Variants in TAFA5 observed in about 807,000 individuals in gnomAD.
TAFA5 encodes TAFA chemokine like family member 5, also known as chemokine-like protein TAFA-5.
A neutral mutation model predicts 15.3 loss-of-function variants in TAFA5; 6 were observed. The ratio of observed to expected loss-of-function variants is 0.39; its 90% CI spans 0.21 to 0.77. The LOEUF is 0.77. Among genes scored for constraint, TAFA5 ranks in the 30% least tolerant of loss-of-function variants. The pLI, the probability that TAFA5 is intolerant of heterozygous loss-of-function variation, is 0.41. For synonymous variants in TAFA5, 103 were observed against 80.7 expected (o/e 1.28, Z -1.48); for missense variants, 161 against 193.1 (o/e 0.83, Z 0.98).
At position 48,530,028 on chromosome 22, in the gene TAFA5, T is replaced by C. The variant is rs1921920954; in HGVS notation, c.112+40324T>C. Among the ~76,000 whole-genome samples the C allele has an allele frequency of 6.6e-6, 1 of 152,132 alleles. No homozygotes were observed. ...GGCCCTCTGGACACCCCCTGAGGAC[T>C]GAGCTTGTGGCTGCAGAGGCCGTGG... On this transcript the variant is annotated intron_variant, in intron 1 of 3. Coordinates refer to ENST00000402357, the MANE Select transcript of TAFA5 (RefSeq NM_001082967.3). The surrounding 1 kb of genome is among the most constrained non-coding windows in gnomAD (Gnocchi z 6.0).
intron 2 of TAFA5, among the ~76,000 whole-genome samples, chr22:48,666,873 C>T (rs1193030850): frequency 3.3e-5 from 5 of 152,112 alleles, no homozygotes; most frequent in African/African-American, 4.8e-5. Context: ...AGAGGGTGGC[C>T]GACTGTCTCA....
chr22:48,576,277 C>T (rs1569031373), intron 1 of TAFA5: 12 of 879,834 alleles, frequency 1.4e-5, no homozygotes, highest in Non-Finnish European at 1.4e-5. Context: ...GCCCCCCTCC[C>T]CCCGCCCGCT....
At chr22:48,728,047 G>A (rs1256534956) in intron 3 of TAFA5, among the ~76,000 whole-genome samples, 2 of 152,178 alleles carry the variant, frequency 1.3e-5, no homozygotes, top group Non-Finnish European at 2.9e-5. Context: ...AAAAGCAGCA[G>A]TGCATAGATC....
At chr22:48,691,315 C>T (rs1318180974) in intron 2 of TAFA5, among the ~76,000 whole-genome samples, 1 of 152,222 alleles carries the variant, frequency 6.6e-6, no homozygotes, top group Non-Finnish European at 1.5e-5. Flanking sequence ...GCCGTCTTTC[C>T]AAAGCCCTGG....
intron 3 of TAFA5, among the ~76,000 whole-genome samples, chr22:48,711,061 C>T (rs763897211): frequency 8.5e-5 from 13 of 152,108 alleles, no homozygotes; most frequent in Non-Finnish European, 1.8e-4. Context: ...CTGCAGGGGA[C>T]CCCCCAAGCC....
intron 3 of TAFA5, among the ~76,000 whole-genome samples, chr22:48,711,615 T>C (rs1401552634): frequency 6.6e-6 from 1 of 152,172 alleles, no homozygotes; most frequent in Non-Finnish European, 1.5e-5. Context: ...TCCTAGATGG[T>C]AAATTAGCGC....
intron 3 of TAFA5, among the ~76,000 whole-genome samples, chr22:48,746,341 G>A (rs1262285038): frequency 6.6e-6 from 1 of 152,094 alleles, no homozygotes; most frequent in Non-Finnish European, 1.5e-5. Flanking sequence ...AAGAGACATT[G>A]ACATCAGCTG....
At chr22:48,668,675 G>A (rs1270500086) in intron 2 of TAFA5, among the ~76,000 whole-genome samples, 1 of 149,770 alleles carries the variant, frequency 6.7e-6, no homozygotes, top group Non-Finnish European at 1.5e-5. Context: ...TTCACCGGGA[G>A]CTGTAATCCC....
chr22:48,548,476 G>C (rs888078606), intron 1 of TAFA5, among the ~76,000 whole-genome samples: 2 of 152,210 alleles, frequency 1.3e-5, no homozygotes, highest in Non-Finnish European at 2.9e-5. Context: ...AGTGCTGTTC[G>C]GGACCCTGGG....
intron 3 of TAFA5, among the ~76,000 whole-genome samples, chr22:48,729,835 A>G (rs1929820131): frequency 6.6e-6 from 1 of 151,566 alleles, no homozygotes; most frequent in South Asian, 2.1e-4. Context: ...AAAAGATAAA[A>G]AAGTTCCAAT....
chr22:48,701,751 C>T (rs1191087876), intron 2 of TAFA5, among the ~76,000 whole-genome samples: 1 of 152,248 alleles, frequency 6.6e-6, no homozygotes, highest in African/African-American at 2.4e-5. Flanking sequence ...ACCAGGCCTG[C>T]TCCTCTCGGA....
At chr22:48,646,839 C>G in intron 2 of TAFA5, 93 bp downstream of exon 2, 1 of 1,427,628 alleles carries the variant, frequency 7.0e-7, no homozygotes, top group South Asian at 1.4e-5. Context: ...CCTGAAGGTC[C>G]CCCTAGGCCT....
chr22:48,571,926 C>G (rs946555208), intron 1 of TAFA5, among the ~76,000 whole-genome samples: 2 of 152,102 alleles, frequency 1.3e-5, no homozygotes, highest in African/African-American at 4.8e-5. Context: ...TTTTACCATT[C>G]AGTGTATACC....
At chr22:48,663,361 C>T (rs1927510509) in intron 2 of TAFA5, among the ~76,000 whole-genome samples, 1 of 152,124 alleles carries the variant, frequency 6.6e-6, no homozygotes, top group Admixed American at 6.5e-5. Flanking sequence ...TCCTGTGCCT[C>T]ACTGCCAAAG....
intron 1 of TAFA5, among the ~76,000 whole-genome samples, chr22:48,537,129 A>T (rs899522996): frequency 6.8e-6 from 1 of 147,286 alleles, no homozygotes; most frequent in African/African-American, 2.5e-5. Context: ...CTTGAGCCAG[A>T]TGGCTTGGTG....
At chr22:48,647,655 C>T (rs1926913771) in intron 2 of TAFA5, among the ~76,000 whole-genome samples, 2 of 152,102 alleles carry the variant, frequency 1.3e-5, no homozygotes, top group South Asian at 4.1e-4. Flanking sequence ...GCCTCCCTCC[C>T]TTGTGACCAG....
At chr22:48,509,301 T>G (rs567066377) in intron 1 of TAFA5, among the ~76,000 whole-genome samples, 25 of 152,308 alleles carry the variant, frequency 1.6e-4, no homozygotes, top group Admixed American at 1.2e-3. Flanking sequence ...CACGTGCTGC[T>G]TTCCTTTCCT....
At chr22:48,553,901 C>G (rs927126686) in intron 1 of TAFA5, among the ~76,000 whole-genome samples, 4 of 152,192 alleles carry the variant, frequency 2.6e-5, no homozygotes, top group Non-Finnish European at 5.9e-5. Context: ...CGTCCACCTG[C>G]CCAGCTCTTG....
Position 48,490,922 on chromosome 22 carries a change from A to T in TAFA5, c.112+1218A>T, listed in dbSNP as rs1354447679. On this transcript the variant is annotated intron_variant, in intron 1 of 3. Transcript: ENST00000402357. The surrounding 1 kb of genome is among the most constrained non-coding windows in gnomAD (Gnocchi z 5.8). ...CACAGTGGCCCAGGGAGACCCGGGC[A>T]GCCGCGGGATCGGCCTCCGGAGTCC... 6.6e-6 allele frequency among the ~76,000 whole-genome samples: 1 copy of T among 152,114 alleles called. No homozygotes were observed. Among genetic ancestry groups the T allele is most frequent in the Non-Finnish European group, 1.5e-5 (1 of 68,006 alleles).
Sources: gnomAD v4.1 joint callset for allele counts (sites outside exome capture counted in the v4.1 genomes callset) on GRCh38, gnomAD v4.1.1 for gene constraint, Gnocchi (gnomAD v3.1) non-coding constraint, MANE v1.5 for transcripts, NCBI Gene and HGNC (gene_info 2026-07-23, HGNC 2026-07-21) for gene names.